The following QPRT variants were observed in gnomAD, a reference collection of about 807,000 sequenced individuals.
QPRT encodes the protein quinolinate phosphoribosyltransferase.
Under a neutral mutation model 19.8 loss-of-function variants are expected in QPRT, and 17 were observed. That is an observed-to-expected ratio of 0.86 (90% CI 0.59 to 1.29). The LOEUF is 1.29. Ranked by LOEUF, QPRT falls within the 50% of genes most tolerant of loss-of-function variation. The pLI is 0.00. For missense variants in QPRT, 336 were observed against 405.1 expected, an observed-to-expected ratio of 0.83 and a Z score of 1.46; for synonymous variants, 178 against 191.0, an observed-to-expected ratio of 0.93 and a Z score of 0.56.
chr16:29,695,262 C>G, intron 2 of QPRT, 63 bp downstream of exon 2: 2 of 1,457,362 alleles, frequency 1.4e-6, no homozygotes, highest in Non-Finnish European at 1.8e-6. Context: ...CTCCCCTCCC[C>G]TCTCCAGAGC....
intron 1 of QPRT, among the ~76,000 whole-genome samples, chr16:29,686,048 CG>C (rs1967151368): frequency 6.6e-6 from 1 of 151,632 alleles, no homozygotes; most frequent in Admixed American, 6.6e-5. Context: ...TTAGTAGAGA[CG>C]GGGTTTCACC....
At chr16:29,691,007 C>T (rs913510594) in intron 1 of QPRT, among the ~76,000 whole-genome samples, 2 of 151,788 alleles carry the variant, frequency 1.3e-5, no homozygotes, top group African/African-American at 4.8e-5. Context: ...GGTTGTTTAC[C>T]CAATACTCAC....
chr16:29,680,159 A>T (rs780118432), intron 1 of QPRT, among the ~76,000 whole-genome samples: 1 of 151,886 alleles, frequency 6.6e-6, no homozygotes, highest in Non-Finnish European at 1.5e-5. Context: ...GGGTTTCACC[A>T]TGTTAGCCAG....
Position 29,694,899 on chromosome 16 carries a change from G to C in QPRT, c.249G>C (p.Pro83=), listed in dbSNP as rs765221759. 5 of 1,614,006 alleles carry C rather than the reference G, an allele frequency of 3.1e-6. No homozygotes were observed. The highest frequency in any genetic ancestry group is 1.3e-5 in the African/African-American group (1 of 75,056). Residue 83 remains proline (P), a synonymous_variant, in exon 2 of 4, where the codon CCG becomes CCC. Transcript: ENST00000395384. ...WFLPEGSKLV[P]VARVAEVRGP... The stretch of plus-strand genomic sequence containing the variant: ...TCCCCGAGGGATCGAAGCTGGTGCC[G>C]GTGGCCAGAGTGGCCGAGGTCCGGG...
chr16:29,695,233 C>T (rs1157432109), intron 2 of QPRT, 34 bp downstream of exon 2: 21 of 1,497,916 alleles, frequency 1.4e-5, no homozygotes, highest in Admixed American at 2.2e-5. Context: ...TCCAACCCCA[C>T]CCTCAGCACA....
intron 1 of QPRT, among the ~76,000 whole-genome samples, chr16:29,692,595 T>C (rs954780318): frequency 2.0e-5 from 3 of 148,282 alleles, no homozygotes; most frequent in African/African-American, 7.4e-5. Flanking sequence ...GGGTATATAG[T>C]AGGTGTATAT....
chr16:29,683,091 C>T (rs1267855018), intron 1 of QPRT, among the ~76,000 whole-genome samples: 2 of 151,128 alleles, frequency 1.3e-5, no homozygotes, highest in Non-Finnish European at 1.5e-5. Flanking sequence ...GTGGCGCAAC[C>T]TCGGCTCACT....
chr16:29,681,620 A>C (rs1967009497), intron 1 of QPRT, among the ~76,000 whole-genome samples: 1 of 147,410 alleles, frequency 6.8e-6, no homozygotes, highest in Non-Finnish European at 1.5e-5. Flanking sequence ...CCTCAGCCTC[A>C]CGAGTAGCTG....
rs756323629 is a variant in QPRT at position 29,695,185 on chromosome 16, G to A, written c.535G>A (p.Gly179Ser). ...MVKDNHVVAA[G>S]GVEKAVRAAR... The stretch of plus-strand genomic sequence containing the variant: ...GAAGGATAACCATGTGGTGGCCGCC[G>A]GTGGCGTGGAGAAGGTGCTGGTCCT... The change falls in exon 2 of 4, where the codon GGT becomes AGT. Residue 179 changes from glycine (G) to serine (S), a missense_variant. By Grantham distance (56) the Gly-to-Ser change is moderately conservative. Coordinates refer to ENST00000395384, the MANE Select transcript of QPRT (RefSeq NM_014298.6). The A allele has an allele frequency of 5.8e-6, 9 of 1,550,040 alleles. No individual in the cohort carries two copies. The highest frequency in any genetic ancestry group is 4.8e-5 in the East Asian group (2 of 41,802).
Position 29,697,601 on chromosome 16 carries a change from C to T in QPRT, c.*190C>T. The T allele has an allele frequency of 1.6e-6, 1 of 621,260 alleles. No homozygotes were observed. The highest frequency in any genetic ancestry group is 1.8e-5 in the African/African-American group (1 of 54,322). 38.5% of individuals were successfully genotyped at this position (621,260 alleles called of 1,614,324 possible). A position where few individuals can be genotyped will look rare whatever the true frequency, so the allele number is the denominator to read the frequency against. ...CTTCACCTCTGCTCATCTCAGTTTCCTAATCTGTAAAATGGGTCTAATAAA... is the reference window on the plus strand; with the variant it reads ...CTTCACCTCTGCTCATCTCAGTTTCTTAATCTGTAAAATGGGTCTAATAAA... On this transcript the variant is annotated 3_prime_UTR_variant, in exon 4 of 4. Coordinates refer to ENST00000395384, the MANE Select transcript of QPRT (RefSeq NM_014298.6). This position sits in a 1 kb window ranked among gnomAD's most constrained non-coding sequence, Gnocchi z 4.4.
At chr16:29,688,905 C>A (rs528139137) in intron 1 of QPRT, among the ~76,000 whole-genome samples, 2 of 151,406 alleles carry the variant, frequency 1.3e-5, no homozygotes, top group Admixed American at 1.3e-4. Flanking sequence ...CTCAGCCTCC[C>A]GAGTAGCTGG....
At chr16:29,680,797 C>T (rs1966977292) in intron 1 of QPRT, among the ~76,000 whole-genome samples, 1 of 152,130 alleles carries the variant, frequency 6.6e-6, no homozygotes, top group Non-Finnish European at 1.5e-5. Context: ...AAAAATTAGC[C>T]GAGTGTGGTG....
intron 2 of QPRT, 72 bp downstream of exon 2, chr16:29,695,271 G>A: frequency 1.4e-6 from 2 of 1,445,936 alleles, no homozygotes; most frequent in Non-Finnish European, 1.8e-6. Flanking sequence ...CCTCTCCAGA[G>A]CCTCCAGCCA....
At chr16:29,692,274 TA>T (rs1402930847) in intron 1 of QPRT, among the ~76,000 whole-genome samples, 22 of 148,216 alleles carry the variant, frequency 1.5e-4, no homozygotes, top group African/African-American at 5.4e-4. Flanking sequence ...TTTATTTATT[TA>T]TTTATTTTTT....
chr16:29,697,642 G>A lies in QPRT; in HGVS notation c.*231G>A. On this transcript the variant is annotated 3_prime_UTR_variant, in exon 4 of 4. Transcript: ENST00000395384. This position sits in a 1 kb window ranked among gnomAD's most constrained non-coding sequence, Gnocchi z 4.4. ...GTCTAATAAAGGATCAACCACATGGGGTTCTGCGGTGATAATGAGCACATA... is the reference window on the plus strand; with the variant it reads ...GTCTAATAAAGGATCAACCACATGGAGTTCTGCGGTGATAATGAGCACATA... The A allele has an allele frequency of 1.8e-6, 1 of 551,740 alleles. No homozygotes were observed. Among genetic ancestry groups the A allele is most frequent in the Non-Finnish European group, 3.2e-6 (1 of 312,768 alleles). The allele number at this position is 551,740 out of a possible 1,614,324, so 34.2% of individuals were successfully genotyped here.
intron 1 of QPRT, among the ~76,000 whole-genome samples, chr16:29,693,896 A>AT (rs902860437): frequency 1.7e-4 from 24 of 144,658 alleles, no homozygotes; most frequent in East Asian, 4.2e-4. Context: ...GGCCAGACTG[A>AT]TTTTTTTTTT....
chr16:29,679,051 C>CA (rs775102493), upstream of QPRT: 1 of 1,427,618 alleles, frequency 7.0e-7, no homozygotes, highest in Non-Finnish European at 9.8e-7. Flanking sequence ...TGGCAGAGGA[C>CA]AGGAGGGAGG....
chr16:29,680,194 G>A (rs1373643237), intron 1 of QPRT, among the ~76,000 whole-genome samples: 1 of 151,996 alleles, frequency 6.6e-6, no homozygotes, highest in African/African-American at 2.4e-5. Flanking sequence ...CCAACCTCGT[G>A]ATCCGCCCGT....
rs770550707 is a variant in QPRT, at chr16:29,679,203, C to T, written c.6C>T (p.Asp2=). Residue 2 remains aspartate (D), a synonymous_variant, in exon 1 of 4, where the codon GAC becomes GAT. Transcript: ENST00000395384. The part of the protein sequence containing the change: M[D]AEGLALLLPP... ...CCAGACAGCTGCAAGTCACCATGGA[C>T]GCTGAAGGTAAAGGGACACTCTCTC... The T allele has an allele frequency of 1.6e-5, 25 of 1,612,090 alleles. No homozygotes were observed. The highest frequency in any genetic ancestry group is 2.2e-5 in the East Asian group (1 of 44,820).
Sources: allele counts gnomAD v4.1 joint callset (sites outside exome capture counted in the v4.1 genomes callset), GRCh38; gene constraint gnomAD v4.1.1; non-coding constraint Gnocchi (gnomAD v3.1); transcripts MANE v1.5; gene names NCBI Gene and HGNC (gene_info 2026-07-23, HGNC 2026-07-21).